The following TENM2 variants were observed in gnomAD, a reference collection of about 807,000 sequenced individuals.
TENM2 encodes teneurin-2.
A neutral mutation model predicts 245.2 loss-of-function variants in TENM2; 52 were observed. The ratio of observed to expected loss-of-function variants is 0.21; its 90% confidence interval spans 0.17 to 0.27. TENM2 has a LOEUF of 0.27. TENM2 is among the 10% of genes least tolerant of loss of function. The pLI, the probability that TENM2 is intolerant of heterozygous loss-of-function variation, is 1.00. For synonymous variants in TENM2, 1,363 were observed against 1,438.9 expected, an observed-to-expected ratio of 0.95 and a Z score of 1.19; for missense variants, 3,046 against 3,666.8, an observed-to-expected ratio of 0.83 and a Z score of 4.37.
intron 2 of TENM2, among the ~76,000 whole-genome samples, chr5:167,545,640 A>T (rs1772512496): frequency 6.6e-6 from 1 of 152,202 alleles, no homozygotes; most frequent in Admixed American, 6.5e-5. Flanking sequence ...CTTACACTAA[A>T]ATCTGATTTA....
At chr5:168,188,631 G>A (rs1487600309) in intron 13 of TENM2, among the ~76,000 whole-genome samples, 1 of 152,180 alleles carries the variant, frequency 6.6e-6, no homozygotes, top group African/African-American at 2.4e-5. Context: ...TCTCTTCAAA[G>A]AGCTCATTTT....
intron 9 of TENM2, among the ~76,000 whole-genome samples, chr5:168,110,558 AACCATTCT>A (rs1304774781): frequency 2.0e-5 from 3 of 152,194 alleles, no homozygotes; most frequent in Non-Finnish European, 2.9e-5. Flanking sequence ...CCATGCCCAG[AACCATTCT>A]GCCTGCTGAG....
chr5:167,997,865 C>G (rs1477908047), intron 5 of TENM2, among the ~76,000 whole-genome samples: 1 of 152,142 alleles, frequency 6.6e-6, no homozygotes, highest in Non-Finnish European at 1.5e-5. Context: ...TTCAGGTTGT[C>G]CACATCTCTA....
intron 2 of TENM2, among the ~76,000 whole-genome samples, chr5:167,738,433 T>G (rs1028047305): frequency 6.6e-6 from 1 of 152,208 alleles, no homozygotes; most frequent in African/African-American, 2.4e-5. Flanking sequence ...TAAGTAATTA[T>G]TAGTAAAATA....
At chr5:168,227,854 A>G in intron 24 of TENM2, 41 bp from the exon 27 acceptor site, 1 of 1,319,984 alleles carries the variant, frequency 7.6e-7, no homozygotes, top group East Asian at 2.4e-5. Flanking sequence ...TAGAGCGGAT[A>G]ATTTATTTCC....
chr5:167,019,531 C>T, the TENM2 span, among the ~76,000 whole-genome samples: 7 of 152,054 alleles, frequency 4.6e-5, no homozygotes, highest in South Asian at 1.0e-3. Context: ...AGTGCAGTGG[C>T]GCGATCTCTG....
chr5:167,848,423 T>G (rs1472185769), intron 2 of TENM2, among the ~76,000 whole-genome samples: 3 of 152,148 alleles, frequency 2.0e-5, no homozygotes, highest in African/African-American at 7.2e-5. Flanking sequence ...AAACACTGTT[T>G]TACTGCTTTG....
chr5:167,242,533 A>G, the TENM2 span, among the ~76,000 whole-genome samples: 2 of 152,106 alleles, frequency 1.3e-5, no homozygotes, highest in Non-Finnish European at 2.9e-5. Context: ...CCCTAAGACA[A>G]CAAGACCAAC....
chr5:167,293,729 G>A (rs1440509040), intron 1 of TENM2, among the ~76,000 whole-genome samples: 2 of 152,010 alleles, frequency 1.3e-5, no homozygotes, highest in South Asian at 4.1e-4. Flanking sequence ...CTGGAATGTT[G>A]GACATAAACC....
intron 2 of TENM2, among the ~76,000 whole-genome samples, chr5:167,861,857 G>A (rs547253715): frequency 3.9e-5 from 6 of 152,312 alleles, no homozygotes; most frequent in African/African-American, 1.4e-4. Flanking sequence ...TTGAAACAGG[G>A]CTTACTCTTG....
intron 2 of TENM2, among the ~76,000 whole-genome samples, chr5:167,684,704 T>C (rs1261402048): frequency 6.6e-6 from 1 of 152,246 alleles, no homozygotes; most frequent in Non-Finnish European, 1.5e-5. Context: ...CCATTACTAA[T>C]ACGAACAGTC....
chr5:167,331,064 C>T (rs953810772), intron 1 of TENM2, among the ~76,000 whole-genome samples: 3 of 151,594 alleles, frequency 2.0e-5, no homozygotes, highest in African/African-American at 7.3e-5. Context: ...GGTAAAACCC[C>T]GTCTCTACTA....
At chr5:167,997,484 T>A (rs986676217) in intron 5 of TENM2, among the ~76,000 whole-genome samples, 1 of 152,164 alleles carries the variant, frequency 6.6e-6, no homozygotes, top group Non-Finnish European at 1.5e-5. Flanking sequence ...AGTTGTCTTG[T>A]GTTATAGAGG....
intron 4 of TENM2, among the ~76,000 whole-genome samples, chr5:167,969,579 G>A (rs1781621858): frequency 6.6e-6 from 1 of 152,172 alleles, no homozygotes; most frequent in Non-Finnish European, 1.5e-5. Context: ...TGGAGGATTT[G>A]GGACAGAGAG....
At chr5:167,801,198 G>A (rs1765743904) in intron 2 of TENM2, among the ~76,000 whole-genome samples, 1 of 141,794 alleles carries the variant, frequency 7.1e-6, no homozygotes, top group Non-Finnish European at 1.5e-5. Context: ...TGTGCGAGCT[G>A]AGAATATTTT....
intron 12 of TENM2, among the ~76,000 whole-genome samples, chr5:168,159,030 G>A (rs995026426): frequency 2.0e-5 from 3 of 150,886 alleles, no homozygotes; most frequent in Admixed American, 6.6e-5. Context: ...TGTAGTCCCA[G>A]CTACTCAGGA....
exon 24 of TENM2, chr5:168,226,124 C>A (rs763682836): frequency 4.3e-6 from 7 of 1,613,698 alleles, no homozygotes; most frequent in Non-Finnish European, 5.1e-6. Context: ...ACGTGACGCG[C>A]CCCACGGGGG....
chr5:167,539,379 A>G (rs748499052), intron 2 of TENM2, among the ~76,000 whole-genome samples: 1 of 152,112 alleles, frequency 6.6e-6, no homozygotes, highest in Non-Finnish European at 1.5e-5. Context: ...GATTGTCCTC[A>G]TGCATGCAAT....
the TENM2 span, among the ~76,000 whole-genome samples, chr5:167,203,384 C>G: frequency 6.6e-6 from 1 of 152,218 alleles, no homozygotes; most frequent in Admixed American, 6.5e-5. Context: ...CACATACTCT[C>G]TCTGGAATCC....
Sources: allele counts gnomAD v4.1 joint callset (sites outside exome capture counted in the v4.1 genomes callset), GRCh38; gene constraint gnomAD v4.1.1; transcripts MANE v1.5; gene names NCBI Gene and HGNC (gene_info 2026-07-23, HGNC 2026-07-21).